C1orf167: variants seen among roughly 807,000 people sequenced by gnomAD.
C1orf167 encodes chromosome 1 open reading frame 167.
C1orf167 carries 153 observed loss-of-function variants against 176.5 expected under a neutral mutation model. The observed-to-expected ratio is 0.87, with a 90% CI of 0.76 to 0.99. The LOEUF is 0.99. Ranked by LOEUF, C1orf167 falls within the 50% of genes least tolerant of loss-of-function variation. The pLI is 0.00. For missense variants in C1orf167, 1,490 were observed against 1,817.7 expected (o/e 0.82, Z 3.28); for synonymous variants, 594 against 752.7 (o/e 0.79, Z 3.45).
intron 8 of C1orf167, 100 bp downstream of exon 8, chr1:11,772,359 GGCT>G: frequency 9.4e-7 from 1 of 1,061,970 alleles, no homozygotes; most frequent in Non-Finnish European, 1.2e-6. Flanking sequence ...CCACCTCCCT[GGCT>G]CAAGCAATCC....
At chr1:11,782,023 C>G (rs551206071) in intron 13 of C1orf167, among the ~76,000 whole-genome samples, 166 bp from the exon 14 acceptor site, 12 of 152,306 alleles carry the variant, frequency 7.9e-5, no homozygotes, top group African/African-American at 2.9e-4. Context: ...GCTGGGCTGG[C>G]CTGGTCACCA....
intron 8 of C1orf167, among the ~76,000 whole-genome samples, chr1:11,774,299 G>A (rs1047556025): frequency 2.6e-5 from 4 of 152,040 alleles, no homozygotes; most frequent in Admixed American, 2.0e-4. Context: ...CTCCCACCTC[G>A]GCTTCCCTGA....
rs1405907609 is a variant in C1orf167 at position 11,768,175 on chromosome 1, T to A, written c.1442T>A (p.Leu481Gln). 7.8e-7 allele frequency: 1 copy of A among 1,287,960 alleles called. No homozygotes were observed. Among genetic ancestry groups the A allele is most frequent in the Non-Finnish European group, 1.0e-6 (1 of 987,250 alleles). 79.8% of individuals were successfully genotyped at this position (1,287,960 alleles called of 1,614,324 possible). Residue 481 changes from leucine (L) to glutamine (Q), a missense_variant, in exon 5 of 21, where the codon CTG (leucine) becomes CAG (glutamine). By Grantham distance (113) the Leu-to-Gln change is moderately radical (BLOSUM62 -2). Coordinates refer to ENST00000688073, the MANE Select transcript of C1orf167 (RefSeq NM_001010881.2). The surrounding 1 kb of genome is among the most constrained non-coding windows in gnomAD (Gnocchi z 4.5). ...AAAVALGRWQ[L>Q]LRKCLQALWL... ...GCAGTGGCACTGGGCCGCTGGCAGC[T>A]GTTGCGAAAGTGCCTTCAGGCCTTG...
chr1:11,767,110 T>TA (rs1277382707), intron 3 of C1orf167, 25 bp downstream of exon 3: 2 of 1,180,758 alleles, frequency 1.7e-6, no homozygotes, highest in Non-Finnish European at 2.2e-6. Flanking sequence ...AGGCTGGAGG[T>TA]GGGGTAGGGG....
In C1orf167 at chr1:11,788,400, C is replaced by T. The variant is rs1213639078; in HGVS notation, c.4078+22C>T. 4.7e-6 allele frequency: 6 copies of T among 1,277,054 alleles called. No homozygotes were observed. In the East Asian group the frequency reaches 1.7e-4, roughly 37 times the overall value. The allele number at this position is 1,277,054 out of a possible 1,614,324, so 79.1% of individuals were successfully genotyped here. ...CCTGGTGAGTGGGTGCACCCCTCTC[C>T]ACACTGACCATCTCCCATTTCACCT... On this transcript the variant is annotated intron_variant, in intron 19 of 20. Transcript: ENST00000688073.
intron 20 of C1orf167, 187 bp from the exon 21 acceptor site, chr1:11,789,083 C>T (rs755543299): frequency 7.9e-6 from 4 of 503,176 alleles, no homozygotes; most frequent in Non-Finnish European, 1.3e-5. Context: ...AGTACAGCTT[C>T]CCAGCTCACC....
chr1:11,764,450 C>T lies in C1orf167; in HGVS notation c.50C>T (p.Pro17Leu). 1 of 1,289,440 alleles carries T rather than the reference C, an allele frequency of 7.8e-7. No individual in the cohort carries two copies. The highest frequency in any genetic ancestry group is 1.2e-5 in the South Asian group (1 of 81,034). The allele number at this position is 1,289,440 out of a possible 1,614,324, so 79.9% of individuals were successfully genotyped here. A position where few individuals can be genotyped will look rare whatever the true frequency, so the allele number is the denominator to read the frequency against. Residue 17 changes from proline to leucine, a missense_variant, in exon 2 of 21, where the codon CCT (proline) becomes CTT (leucine). Pro to Leu is a moderately conservative substitution (Grantham distance 98, BLOSUM62 -3). Transcript: ENST00000688073. ...CACAAGGAGAATGTGTCCCCAAAGC[C>T]TGCAGCGCTCCCGAAGCCAGGCAAG... ...ASHKENVSPKPAALPKPEQRR... is the reference protein window; with the variant it reads ...ASHKENVSPKLAALPKPEQRR...
At chr1:11,767,380 T>A (rs536206174) in intron 4 of C1orf167, 116 bp downstream of exon 4, 1 of 959,970 alleles carries the variant, frequency 1.0e-6, no homozygotes, top group South Asian at 1.4e-5. Context: ...GAGGCAGGGT[T>A]TCAAGGAAGA....
intron 17 of C1orf167, 180 bp downstream of exon 17, chr1:11,787,673 C>A: frequency 1.1e-6 from 1 of 919,656 alleles, no homozygotes; most frequent in South Asian, 1.8e-5. Flanking sequence ...CTTTGCATTC[C>A]TGCCCCGCCC....
At chr1:11,764,152 A>AG (rs1642671111) in intron 1 of C1orf167, among the ~76,000 whole-genome samples, 179 bp from the exon 2 acceptor site, 1 of 152,078 alleles carries the variant, frequency 6.6e-6, no homozygotes, top group Admixed American at 6.6e-5. Context: ...TAATATGGAA[A>AG]GGGGGGTGAT....
intron 13 of C1orf167, among the ~76,000 whole-genome samples, chr1:11,781,222 T>G (rs1643587951): frequency 6.6e-6 from 1 of 151,968 alleles, no homozygotes; most frequent in African/African-American, 2.4e-5. Context: ...GGTCTCGAAC[T>G]CCTGACCTCA....
At chr1:11,783,237 G>A (rs1298359551) in intron 14 of C1orf167, among the ~76,000 whole-genome samples, 1 of 151,072 alleles carries the variant, frequency 6.6e-6, no homozygotes, top group Non-Finnish European at 1.5e-5. Flanking sequence ...GGGTGTAGAT[G>A]GTTATTTTGT....
rs1642883668 is a variant in C1orf167 at position 11,768,067 on chromosome 1, C to G, written c.1344-10C>G. The G allele has an allele frequency of 7.8e-7, 1 of 1,279,804 alleles. No homozygotes were observed. Among genetic ancestry groups the G allele is most frequent in the African/African-American group, 1.5e-5 (1 of 65,778 alleles). 79.3% of individuals were successfully genotyped at this position (1,279,804 alleles called of 1,614,324 possible). A position where few individuals can be genotyped will look rare whatever the true frequency, so the allele number is the denominator to read the frequency against. On this transcript the variant is annotated splice_polypyrimidine_tract_variant and intron_variant, in intron 4 of 20. Transcript: ENST00000688073. This position sits in a 1 kb window ranked among gnomAD's most constrained non-coding sequence, Gnocchi z 4.5. ...AGTCCACACCCTGATCAGCCCTGGT[C>G]TGTCCCCAGCTGGCAGCTGTTGTCC...
At chr1:11,767,652 G>A (rs559448560) in intron 4 of C1orf167, among the ~76,000 whole-genome samples, 28 of 151,882 alleles carry the variant, frequency 1.8e-4, no homozygotes, top group Admixed American at 4.6e-4. Context: ...GCAAAACCCC[G>A]TCTCTACAAA....
At chr1:11,787,558 C>A in intron 17 of C1orf167, 65 bp downstream of exon 17, 1 of 1,109,096 alleles carries the variant, frequency 9.0e-7, no homozygotes, top group Admixed American at 3.1e-5. Flanking sequence ...GGTCTCCAGT[C>A]CTCAGGGGCC....
Position 11,776,453 on chromosome 1 carries a change from C to A in C1orf167, c.2165-11C>A, listed in dbSNP as rs1185108957. 1 of 1,298,936 alleles carries A rather than the reference C, an allele frequency of 7.7e-7. No homozygotes were observed. Among genetic ancestry groups the A allele is most frequent in the Non-Finnish European group, 1.0e-6 (1 of 986,714 alleles). The allele number at this position is 1,298,936 out of a possible 1,614,324, so 80.5% of individuals were successfully genotyped here. A position where few individuals can be genotyped will look rare whatever the true frequency, so the allele number is the denominator to read the frequency against. On this transcript the variant is annotated splice_polypyrimidine_tract_variant and intron_variant, in intron 9 of 20. Transcript: ENST00000688073. ...GGGAGGCAGCTGACTGGACTCTTGA[C>A]GGTTTCTCAGGACGTGAGGCTGTCT...
Position 11,766,164 on chromosome 1 carries a change from C to T in C1orf167, c.378C>T (p.Ser126=), listed in dbSNP as rs1642782001. ...REFAIQQSNL[S]INETSSPHLC... ...TTGCCATCCAGCAGAGCAACCTGAGCATCAACGAGACCAGCAGCCCCCACC... is the reference window on the plus strand; with the variant it reads ...TTGCCATCCAGCAGAGCAACCTGAGTATCAACGAGACCAGCAGCCCCCACC... Residue 126 remains serine, a synonymous_variant, in exon 3 of 21, where the codon AGC becomes AGT. Transcript: ENST00000688073. This position sits in a 1 kb window ranked among gnomAD's most constrained non-coding sequence, Gnocchi z 4.5. 2 of 1,289,756 alleles carry T rather than the reference C, an allele frequency of 1.6e-6. No homozygotes were observed. Among genetic ancestry groups the T allele is most frequent in the Non-Finnish European group, 2.0e-6 (2 of 988,874 alleles). The allele number at this position is 1,289,756 out of a possible 1,614,324, so 79.9% of individuals were successfully genotyped here. A position where few individuals can be genotyped will look rare whatever the true frequency, so the allele number is the denominator to read the frequency against.
In C1orf167 at chr1:11,767,006, C is replaced by T. The variant is rs764777393; in HGVS notation, c.1220C>T (p.Pro407Leu). Residue 407 changes from proline to leucine, a missense_variant, in exon 3 of 21, where the codon CCG (proline) becomes CTG (leucine). By Grantham distance (98) the Pro-to-Leu change is moderately conservative (BLOSUM62 -3). Coordinates refer to ENST00000688073, the MANE Select transcript of C1orf167 (RefSeq NM_001010881.2). ...SPKQKGEEGA[P>L]RERVHREEER... is the part of the protein sequence containing the mutation. The stretch of plus-strand genomic sequence containing the variant: ...AAGCAGAAAGGAGAGGAGGGGGCCC[C>T]GAGGGAGCGGGTCCACAGGGAGGAG... The T allele has an allele frequency of 2.2e-5, 27 of 1,208,900 alleles. 1 individual carries two copies. Among genetic ancestry groups the T allele is most frequent in the South Asian group, 2.1e-4 (14 of 67,240 alleles). The allele number at this position is 1,208,900 out of a possible 1,614,324, so 74.9% of individuals were successfully genotyped here.
Position 11,767,073 on chromosome 1 carries a change from C to T in C1orf167, c.1287C>T (p.Ser429=). 4 of 1,235,072 alleles carry T rather than the reference C, an allele frequency of 3.2e-6. No individual in the cohort carries two copies. Among genetic ancestry groups the T allele is most frequent in the Non-Finnish European group, 4.2e-6 (4 of 959,450 alleles). The allele number at this position is 1,235,072 out of a possible 1,614,324, so 76.5% of individuals were successfully genotyped here. The change falls in exon 3 of 21, where the codon AGC becomes AGT. Residue 429 remains serine (S), a synonymous_variant. Transcript: ENST00000688073. ...AFHLSDTVPA[S]SASKNKAQNI... ...ATCTGTCAGACACAGTCCCAGCGAG[C>T]AGTGCGTCGAAGGTAGAGGCCCGGG...
Sources: allele counts gnomAD v4.1 joint callset (sites outside exome capture counted in the v4.1 genomes callset), GRCh38; gene constraint gnomAD v4.1.1; non-coding constraint Gnocchi (gnomAD v3.1); transcripts MANE v1.5; gene names NCBI Gene and HGNC (gene_info 2026-07-23, HGNC 2026-07-21).